DIDO1: variants seen among roughly 807,000 people sequenced by gnomAD.
DIDO1 encodes death inducer-obliterator 1.
DIDO1 carries 16 observed loss-of-function variants against 99.4 expected under a neutral mutation model. That is an observed-to-expected ratio of 0.16 (90% CI 0.11 to 0.24). The LOEUF (loss-of-function observed/expected upper bound fraction) is 0.24. Among genes scored for constraint, DIDO1 ranks in the 10% least tolerant of loss-of-function variants. The pLI, the probability that DIDO1 is intolerant of heterozygous loss-of-function variation, is 1.00. For missense variants in DIDO1, 2,996 were observed against 3,014.0 expected (o/e 0.99, Z 0.14); for synonymous variants, 1,366 against 1,239.1 (o/e 1.10, Z -2.15).
In DIDO1 at chr20:62,880,627, G is replaced by T. The variant is rs1222110790; in HGVS notation, c.5329C>A (p.Pro1777Thr). Residue 1777 changes from proline to threonine, a missense_variant, in exon 16 of 16, where the codon CCA becomes ACA. Coordinates refer to ENST00000395343, the MANE Select transcript of DIDO1 (RefSeq NM_001193369.2). ...TTCTCTTCTGGAAACGGAGGGGCTGGCCCCCTTGGTCCCGGGAAATTGGGG... is the reference window on the plus strand; with the variant it reads ...TTCTCTTCTGGAAACGGAGGGGCTGTCCCCCTTGGTCCCGGGAAATTGGGG... ...HGPNFPGPRG[P>T]APPFPEENIA... 2 of 1,612,866 alleles carry T rather than the reference G, an allele frequency of 1.2e-6. No homozygotes were observed. The highest frequency in any genetic ancestry group is 2.2e-5 in the South Asian group (2 of 91,080).
intron 4 of DIDO1, among the ~76,000 whole-genome samples, chr20:62,908,004 G>C (rs867758988): frequency 6.6e-6 from 1 of 152,052 alleles, no homozygotes. Context: ...GTTTGAGACA[G>C]GGTCTCGCTC....
intron 1 of DIDO1, among the ~76,000 whole-genome samples, chr20:62,934,979 C>T (rs2065367473): frequency 6.6e-6 from 1 of 152,218 alleles, no homozygotes; most frequent in Non-Finnish European, 1.5e-5. Flanking sequence ...CATGGGCTTC[C>T]TCTGAATACT....
Position 62,896,886 on chromosome 20 carries a change from C to T in DIDO1, c.1699G>A (p.Val567Met), listed in dbSNP as rs781668439. The T allele has an allele frequency of 3.5e-5, 56 of 1,614,036 alleles. No homozygotes were observed. The highest frequency in any genetic ancestry group is 2.7e-4 in the South Asian group (25 of 91,082). The change falls in exon 7 of 16, where the codon GTG (valine) becomes ATG (methionine). Residue 567 changes from valine (V) to methionine (M), a missense_variant. Physicochemically the swap from Val to Met is conservative, Grantham distance 21. This residue lies in a region of DIDO1 where 898 missense variants were observed against 972.7 expected (regional missense o/e 0.92). Transcript: ENST00000395343. This position sits in a 1 kb window ranked among gnomAD's most constrained non-coding sequence, Gnocchi z 4.4. ...VGKQPAPRNL[V>M]PKKSSFANVA... is the part of the protein sequence containing the mutation. ...TTAGCAAAAGAAGACTTCTTTGGCA[C>T]GAGGTTTCTAGGTGCAGGCTGCTTG...
chr20:62,887,680 G>A (rs1285633541), intron 15 of DIDO1: 2 of 985,212 alleles, frequency 2.0e-6, no homozygotes, highest in African/African-American at 1.7e-5. Context: ...GTCCAGTCCT[G>A]TAAGGGCCCT....
rs750660113 is a variant in DIDO1, at chr20:62,911,476, T to C, written c.137A>G (p.Asp46Gly). ...CTGTGGGGGTGGCGGCTCCAGTGGG[T>C]CAGCCTCCGCGTCCCCTGCGCCCTC... is the stretch of plus-strand genomic sequence containing the variant. ...KREGAGDAEADPLEPPPPQQQ... is the reference protein window; with the variant it reads ...KREGAGDAEAGPLEPPPPQQQ... Residue 46 changes from aspartate (D) to glycine (G), a missense_variant, in exon 3 of 16, where the codon GAC becomes GGC. By Grantham distance (94) the Asp-to-Gly change is moderately conservative. Transcript: ENST00000395343. The surrounding 1 kb of genome is among the most constrained non-coding windows in gnomAD (Gnocchi z 7.0). 1 of 1,612,234 alleles carries C rather than the reference T, an allele frequency of 6.2e-7. No homozygotes were observed. The highest frequency in any genetic ancestry group is 1.1e-5 in the South Asian group (1 of 90,824).
chr20:62,904,204 G>A (rs74337872), intron 6 of DIDO1, among the ~76,000 whole-genome samples: 2,880 of 117,430 alleles, frequency 0.025, 85 homozygotes, highest in African/African-American at 0.1. Flanking sequence ...TTTTAGTACA[G>A]CATTAAAAAT....
At chr20:62,900,343 C>T (rs544639884) in intron 6 of DIDO1, among the ~76,000 whole-genome samples, 1 of 152,378 alleles carries the variant, frequency 6.6e-6, no homozygotes, top group South Asian at 2.1e-4. Context: ...TCGTCGTGCA[C>T]AGGGATCAGC....
At chr20:62,923,276 A>C (rs565837499) in intron 1 of DIDO1, among the ~76,000 whole-genome samples, 2 of 152,262 alleles carry the variant, frequency 1.3e-5, no homozygotes, top group East Asian at 3.9e-4. Flanking sequence ...CCCAGGTTCA[A>C]GCGATTCTCC....
At chr20:62,905,025 T>C (rs943372279) in intron 6 of DIDO1, 14 of 989,272 alleles carry the variant, frequency 1.4e-5, no homozygotes, top group African/African-American at 5.2e-5. Context: ...AATAGTTTTA[T>C]AGCAGAAAAC....
At chr20:62,933,639 G>A (rs1046409149) in intron 1 of DIDO1, among the ~76,000 whole-genome samples, 1 of 152,206 alleles carries the variant, frequency 6.6e-6, no homozygotes, top group Non-Finnish European at 1.5e-5. Context: ...GGAGGCTGAG[G>A]CAGGAAGACT....
At chr20:62,933,390 G>A (rs1400969872) in intron 1 of DIDO1, among the ~76,000 whole-genome samples, 8 of 152,130 alleles carry the variant, frequency 5.3e-5, no homozygotes, top group African/African-American at 1.9e-4. Flanking sequence ...ACAACTGATG[G>A]GTTTATCAAT....
chr20:62,909,591 C>T (rs946779903), intron 4 of DIDO1, 108 bp downstream of exon 4: 12 of 1,372,790 alleles, frequency 8.7e-6, no homozygotes, highest in Middle Eastern at 2.0e-4. Flanking sequence ...GGAGAGGCAC[C>T]GCCCCACATG....
chr20:62,878,704 T>C lies in DIDO1; in HGVS notation c.*529A>G, dbSNP rs1169305639. On this transcript the variant is annotated 3_prime_UTR_variant, in exon 16 of 16. Transcript: ENST00000395343. ...GTGTTTCTGTTTCCCAGTTGAAAAT[T>C]GTAATTCCAATTTTATGACAAAAGA... is the stretch of plus-strand genomic sequence containing the variant. 6.6e-6 allele frequency: 1 copy of C among 152,338 alleles called. No homozygotes were observed. Among genetic ancestry groups the C allele is most frequent in the African/African-American group, 2.4e-5 (1 of 41,460 alleles). The allele number at this position is 152,338 out of a possible 1,614,324, so 9.4% of individuals were successfully genotyped here.
chr20:62,905,694 T>A, intron 6 of DIDO1, 193 bp downstream of exon 6: 1 of 1,608,822 alleles, frequency 6.2e-7, no homozygotes, highest in South Asian at 1.1e-5. Flanking sequence ...CAGGAAGTCC[T>A]GACAGACTAG....
chr20:62,885,588 G>A (rs1028288845), intron 15 of DIDO1, among the ~76,000 whole-genome samples: 1 of 152,174 alleles, frequency 6.6e-6, no homozygotes, highest in Non-Finnish European at 1.5e-5. Context: ...CCAGCTCTTG[G>A]TGCTCTCAAC....
In DIDO1 at chr20:62,880,314, C is replaced by T. The variant is rs1403292151; in HGVS notation, c.5642G>A (p.Ser1881Asn). 3 of 1,612,736 alleles carry T rather than the reference C, an allele frequency of 1.9e-6. No individual in the cohort carries two copies. The highest frequency in any genetic ancestry group is 1.7e-6 in the Non-Finnish European group (2 of 1,180,018). Residue 1881 changes from serine (S) to asparagine (N), a missense_variant, in exon 16 of 16, where the codon AGC (serine) becomes AAC (asparagine). This residue lies in a region of DIDO1 where 1,562 missense variants were observed against 1,412.6 expected (regional missense o/e 1.11). Transcript: ENST00000395343. ...GAACTGGAAAGGCGCGCCGCCTCTG[C>T]TTCCCAGAAATGGGGCTTGCTCTGT... ...EGTEQAPFLG[S>N]RGGAPFQFGG...
At chr20:62,885,295 C>G (rs998932558) in intron 15 of DIDO1, among the ~76,000 whole-genome samples, 3 of 152,078 alleles carry the variant, frequency 2.0e-5, no homozygotes, top group Non-Finnish European at 4.4e-5. Flanking sequence ...GGGGAAGTTA[C>G]CTGGGGAAGC....
At chr20:62,918,293 A>AGT (rs2065074127) in intron 1 of DIDO1, among the ~76,000 whole-genome samples, 2 of 152,328 alleles carry the variant, frequency 1.3e-5, no homozygotes, top group South Asian at 4.1e-4. Flanking sequence ...TGAAGTCATT[A>AGT]ACTCAAGCGT....
intron 5 of DIDO1, 106 bp from the exon 6 acceptor site, chr20:62,906,206 TC>T: frequency 7.1e-7 from 1 of 1,413,124 alleles, no homozygotes; most frequent in Non-Finnish European, 9.5e-7. Context: ...CCTGAGGCCA[TC>T]TGAAGACCCT....
Sources: gnomAD v4.1 joint callset for allele counts (sites outside exome capture counted in the v4.1 genomes callset) on GRCh38, gnomAD v4.1.1 for gene constraint, gnomAD v4.1.1 regional missense constraint, Gnocchi (gnomAD v3.1) non-coding constraint, MANE v1.5 for transcripts, NCBI Gene and HGNC (gene_info 2026-07-23, HGNC 2026-07-21) for gene names.